The following ZNF2 variants were observed in gnomAD, a reference collection of about 807,000 sequenced individuals.
ZNF2 encodes zinc finger protein 2.
ZNF2 carries 12 observed loss-of-function variants against 21.9 expected under a neutral mutation model. That is an observed-to-expected ratio of 0.55 (90% confidence interval 0.35 to 0.89). ZNF2 has a LOEUF of 0.89. Among genes scored for constraint, ZNF2 ranks in the 40% least tolerant of loss-of-function variants. The probability of loss-of-function intolerance (pLI) is 0.01; values close to 1 mark genes in which losing one functional copy is unlikely to be tolerated. For synonymous variants in ZNF2, 186 were observed against 196.3 expected (o/e 0.95, Z 0.44); for missense variants, 462 against 544.2 (o/e 0.85, Z 1.50).
chr2:95,168,379 C>T lies in ZNF2; in HGVS notation c.-40+2519C>T, dbSNP rs192651810. On this transcript the variant is annotated intron_variant, in intron 1 of 4. Transcript: ENST00000614034. ...GGCAGAGGTTGCAGTGAGCCAAGAT[C>T]GTGCCATTGCACTCCAGCCTGGGCG... Among the ~76,000 whole-genome samples the T allele has an allele frequency of 1.3e-3, 189 of 149,694 alleles. 2 individuals carry two copies. The highest frequency in any genetic ancestry group is 3.7e-3 in the Admixed American group (55 of 14,984).
Position 95,184,242 on chromosome 2 carries a change from CAG to C in ZNF2, c.*2138_*2139del, listed in dbSNP as rs1162791087. The C allele has an allele frequency of 2.6e-5, 4 of 152,192 alleles. No homozygotes were observed. The highest frequency in any genetic ancestry group is 5.9e-5 in the Non-Finnish European group (4 of 68,036). 9.4% of individuals were successfully genotyped at this position (152,192 alleles called of 1,614,324 possible). A position where few individuals can be genotyped will look rare whatever the true frequency, so the allele number is the denominator to read the frequency against. Reference sequence around the variant, plus strand: ...AAGCAACTTGAGGAAAAACACATAACAGAATCTATAGGTGTGGACAATATGTG... The same window carrying C: ...AAGCAACTTGAGGAAAAACACATAACAATCTATAGGTGTGGACAATATGTG... On this transcript the variant is annotated 3_prime_UTR_variant, in exon 5 of 5. Transcript: ENST00000614034.
intron 1 of ZNF2, among the ~76,000 whole-genome samples, chr2:95,173,920 A>G (rs920797246): frequency 2.2e-4 from 34 of 152,338 alleles, no homozygotes; most frequent in African/African-American, 7.9e-4. Context: ...CATTTTGGCC[A>G]GGATGGTCTC....
intron 1 of ZNF2, among the ~76,000 whole-genome samples, chr2:95,173,795 G>A (rs1166733112): frequency 8.5e-5 from 13 of 152,192 alleles, no homozygotes; most frequent in African/African-American, 2.4e-4. Context: ...TGCAACCTCC[G>A]CCTCCCAGGG....
rs755889322 is a variant in ZNF2, at chr2:95,176,181, T to C, written c.-39-7T>C. On this transcript the variant is annotated splice_region_variant and splice_polypyrimidine_tract_variant and intron_variant, in intron 1 of 4. Coordinates refer to ENST00000614034, the MANE Select transcript of ZNF2 (RefSeq NM_021088.4). ...TTCTTTCTCACCCCCCACTTCTGCCTCATTAGGACTCTGCCCTTGTCCACA... is the reference window on the plus strand; with the variant it reads ...TTCTTTCTCACCCCCCACTTCTGCCCCATTAGGACTCTGCCCTTGTCCACA... 4 of 1,613,744 alleles carry C rather than the reference T, an allele frequency of 2.5e-6. No homozygotes were observed. The South Asian group carries it at 4.4e-5, about 18-fold the overall frequency.
In ZNF2 at chr2:95,180,348, T is replaced by C. The variant is rs570383291; in HGVS notation, c.274+76T>C. ...TTTGGGTGATGGGGGAAATAACAGG[T>C]ATCATCTTTCTCTCAAATTCAAGTC... On this transcript the variant is annotated intron_variant, in intron 4 of 4. Coordinates refer to ENST00000614034, the MANE Select transcript of ZNF2 (RefSeq NM_021088.4). 54 of 928,132 alleles carry C rather than the reference T, an allele frequency of 5.8e-5. 1 individual carries two copies. The South Asian group carries it at 7.4e-4, about 13-fold the overall frequency. The allele number at this position is 928,132 out of a possible 1,614,324, so 57.5% of individuals were successfully genotyped here. A position where few individuals can be genotyped will look rare whatever the true frequency, so the allele number is the denominator to read the frequency against.
At chr2:95,177,252 C>A (rs1179422738) in intron 2 of ZNF2, among the ~76,000 whole-genome samples, 2 of 152,142 alleles carry the variant, frequency 1.3e-5, no homozygotes, top group Non-Finnish European at 2.9e-5. Context: ...AAAAAAGAGT[C>A]TGATATTCAG....
In ZNF2 at chr2:95,181,318, A is replaced by G. The variant is rs1399082750; in HGVS notation, c.490A>G (p.Arg164Gly). The change falls in exon 5 of 5, where the codon AGG becomes GGG. Residue 164 changes from arginine (R) to glycine (G), a missense_variant. By Grantham distance (125) the Arg-to-Gly change is moderately radical. Coordinates refer to ENST00000614034, the MANE Select transcript of ZNF2 (RefSeq NM_021088.4). The stretch of plus-strand genomic sequence containing the variant: ...CTTGCGGCGACGGTCAGCCCTGTCC[A>G]GGGAAATTCTCACTAAAGAGAGACA... ...KGLRRRSALS[R>G]EILTKERHQE... The G allele has an allele frequency of 1.9e-6, 3 of 1,614,236 alleles. No individual in the cohort carries two copies. Among genetic ancestry groups the G allele is most frequent in the Non-Finnish European group, 1.7e-6 (2 of 1,180,034 alleles).
At chr2:95,180,740 C>T (rs1674610148) in intron 4 of ZNF2, among the ~76,000 whole-genome samples, 1 of 152,138 alleles carries the variant, frequency 6.6e-6, no homozygotes, top group Admixed American at 6.5e-5. Context: ...GAACTCCTGA[C>T]CTCAGGTGAT....
At chr2:95,180,886 G>C (rs1320535379) in intron 4 of ZNF2, among the ~76,000 whole-genome samples, 1 of 152,058 alleles carries the variant, frequency 6.6e-6, no homozygotes, top group Non-Finnish European at 1.5e-5. Flanking sequence ...TGCTCCCACT[G>C]GACATTCTCC....
intron 1 of ZNF2, among the ~76,000 whole-genome samples, chr2:95,174,090 T>A (rs1055142333): frequency 1.3e-5 from 2 of 152,236 alleles, no homozygotes; most frequent in Non-Finnish European, 2.9e-5. Context: ...GTTTAAGGTA[T>A]TTCAAATTTT....
chr2:95,172,026 C>T (rs1573394969), intron 1 of ZNF2, among the ~76,000 whole-genome samples: 1 of 152,166 alleles, frequency 6.6e-6, no homozygotes, highest in African/African-American at 2.4e-5. Flanking sequence ...TATAGGCTTG[C>T]TTCTATTCTC....
chr2:95,181,509 C>T lies in ZNF2; in HGVS notation c.681C>T (p.Ser227=), dbSNP rs1674650716. Residue 227 remains serine (S), a synonymous_variant, in exon 5 of 5, where the codon AGC becomes AGT. Coordinates refer to ENST00000614034, the MANE Select transcript of ZNF2 (RefSeq NM_021088.4). ...SRHLMSHTGE[S]PYECSVCSKA... Reference sequence around the variant, plus strand: ...ATCTGATGTCACACACTGGGGAGAGCCCCTACGAGTGCAGTGTGTGCTCAA... The same window carrying T: ...ATCTGATGTCACACACTGGGGAGAGTCCCTACGAGTGCAGTGTGTGCTCAA... 10 of 1,614,098 alleles carry T rather than the reference C, an allele frequency of 6.2e-6. No individual in the cohort carries two copies. The highest frequency in any genetic ancestry group is 1.1e-5 in the South Asian group (1 of 91,080).
At chr2:95,166,598 A>G (rs1238389765) in intron 1 of ZNF2, among the ~76,000 whole-genome samples, 1 of 152,194 alleles carries the variant, frequency 6.6e-6, no homozygotes, top group African/African-American at 2.4e-5. Flanking sequence ...GCAGAGAGCT[A>G]CTTAGGAATG....
intron 1 of ZNF2, among the ~76,000 whole-genome samples, chr2:95,166,139 T>C (rs955120582): frequency 6.6e-6 from 1 of 151,644 alleles, no homozygotes; most frequent in African/African-American, 2.4e-5. Flanking sequence ...CCGTTTCTTC[T>C]TCCCATAATG....
chr2:95,177,376 C>T, intron 2 of ZNF2, 107 bp from the exon 3 acceptor site: 1 of 1,360,968 alleles, frequency 7.3e-7, no homozygotes, highest in Non-Finnish European at 1.0e-6. Flanking sequence ...AACTGTTTTT[C>T]TTTCCTCCCA....
intron 1 of ZNF2, among the ~76,000 whole-genome samples, chr2:95,173,402 C>T (rs1179915530): frequency 6.6e-6 from 1 of 152,160 alleles, no homozygotes; most frequent in Non-Finnish European, 1.5e-5. Flanking sequence ...ATACATCAGG[C>T]TTCCCTAATG....
Position 95,181,944 on chromosome 2 carries a change from C to T in ZNF2, c.1116C>T (p.Ser372=), listed in dbSNP as rs745644685. Reference sequence around the variant, plus strand: ...CTGGAGACAAGCCATATGAATGCAGCGAATGCGGGAAAGCCTTTAGCCAGC... The same window carrying T: ...CTGGAGACAAGCCATATGAATGCAGTGAATGCGGGAAAGCCTTTAGCCAGC... The part of the protein sequence containing the change: ...IHTGDKPYEC[S]ECGKAFSQRC... Residue 372 remains serine, a synonymous_variant, in exon 5 of 5, where the codon AGC becomes AGT. Coordinates refer to ENST00000614034, the MANE Select transcript of ZNF2 (RefSeq NM_021088.4). The T allele has an allele frequency of 5.0e-6, 8 of 1,614,136 alleles. No homozygotes were observed. The Admixed American group carries it at 5.0e-5, about 10-fold the overall frequency.
chr2:95,176,470 C>T (rs1674448344), intron 2 of ZNF2, among the ~76,000 whole-genome samples: 2 of 152,204 alleles, frequency 1.3e-5, no homozygotes, highest in South Asian at 4.1e-4. Context: ...CCAGGCTTAA[C>T]AACTCCTGGA....
intron 4 of ZNF2, among the ~76,000 whole-genome samples, chr2:95,180,485 C>T (rs569626111): frequency 1.3e-5 from 2 of 151,576 alleles, no homozygotes; most frequent in Admixed American, 6.6e-5. Flanking sequence ...ACGTCTGTAA[C>T]GTTGTGCACT....
Sources: allele counts gnomAD v4.1 joint callset (sites outside exome capture counted in the v4.1 genomes callset), GRCh38; gene constraint gnomAD v4.1.1; transcripts MANE v1.5; gene names NCBI Gene and HGNC (gene_info 2026-07-23, HGNC 2026-07-21).